Variants in CRTAC1 observed in about 807,000 individuals in gnomAD.
The protein encoded by CRTAC1 is acidic secreted protein in cartilage.
CRTAC1 carries 37 observed loss-of-function variants against 67.8 expected under a neutral mutation model. The ratio of observed to expected loss-of-function variants is 0.55; its 90% CI spans 0.42 to 0.72. The LOEUF (loss-of-function observed/expected upper bound fraction) is 0.72. Ranked by LOEUF, CRTAC1 falls within the 30% of genes least tolerant of loss-of-function variation. The pLI is 0.00. For missense variants in CRTAC1, 780 were observed against 931.6 expected (o/e 0.84, Z 2.12); for synonymous variants, 348 against 371.0 (o/e 0.94, Z 0.71).
chr10:97,884,297 C>T lies in CRTAC1; in HGVS notation c.1541G>A (p.Ser514Asn). 1 of 1,554,540 alleles carries T rather than the reference C, an allele frequency of 6.4e-7. No homozygotes were observed. The highest frequency in any genetic ancestry group is 8.7e-7 in the Non-Finnish European group (1 of 1,148,534). The change falls in exon 12 of 15, where the codon AGC becomes AAC. Residue 514 changes from serine to asparagine, a missense_variant. Physicochemically the swap from Ser to Asn is conservative, Grantham distance 46 (BLOSUM62 1). Coordinates refer to ENST00000370597, the MANE Select transcript of CRTAC1 (RefSeq NM_018058.7). ...EVTWPDGKMV[S>N]RNVASGEMNS... ...CATCTCCCCGCTGGCCACGTTCCGG[C>T]TCACCATCTTGCCATCTGGCCACGT... is the stretch of plus-strand genomic sequence containing the variant.
rs531459931 is a variant in CRTAC1, at chr10:97,979,645, A to G, written c.224+31493T>C. On this transcript the variant is annotated intron_variant, in intron 2 of 14. Coordinates refer to ENST00000370597, the MANE Select transcript of CRTAC1 (RefSeq NM_018058.7). ...AAGTCAGGCTGATTTAATTTTAATC[A>G]GCTGAGGCAGCAGAGCGGTGGTTCT... Among the ~76,000 whole-genome samples, 20 of 152,292 alleles carry G rather than the reference A, an allele frequency of 1.3e-4. No individual in the cohort carries two copies. In the East Asian group the frequency reaches 3.7e-3, roughly 28 times the overall value.
chr10:97,892,029 A>G (rs987078118), intron 11 of CRTAC1, among the ~76,000 whole-genome samples: 2 of 152,168 alleles, frequency 1.3e-5, no homozygotes, highest in African/African-American at 4.8e-5. Context: ...CCAAGAACAA[A>G]TCCCAGGGCC....
At chr10:98,016,602 G>A (rs952316906) in intron 1 of CRTAC1, among the ~76,000 whole-genome samples, 3 of 152,070 alleles carry the variant, frequency 2.0e-5, no homozygotes, top group Non-Finnish European at 4.4e-5. Context: ...GAACCACCTC[G>A]GGTGGAGGTG....
intron 1 of CRTAC1, among the ~76,000 whole-genome samples, chr10:98,016,480 A>G (rs1181093935): frequency 6.6e-6 from 1 of 152,206 alleles, no homozygotes. Context: ...TGTTGAAAAT[A>G]CAGATTCGGA....
At chr10:97,872,554 A>G (rs2050105251) in intron 14 of CRTAC1, among the ~76,000 whole-genome samples, 1 of 152,194 alleles carries the variant, frequency 6.6e-6, no homozygotes, top group African/African-American at 2.4e-5. Flanking sequence ...CTGGTGCTGA[A>G]TTCTTTACCT....
intron 2 of CRTAC1, among the ~76,000 whole-genome samples, chr10:97,981,313 T>C (rs1475759883): frequency 6.6e-6 from 1 of 152,246 alleles, no homozygotes; most frequent in African/African-American, 2.4e-5. Context: ...GGATAGCGTT[T>C]AATACTTCAG....
chr10:97,915,625 C>T (rs1445961954), intron 5 of CRTAC1, among the ~76,000 whole-genome samples: 1 of 143,678 alleles, frequency 7.0e-6, no homozygotes, highest in Non-Finnish European at 1.5e-5. Context: ...TCCTGGGGCT[C>T]GGGGGTGGGG....
intron 2 of CRTAC1, among the ~76,000 whole-genome samples, chr10:97,995,395 A>T (rs1425690652): frequency 6.6e-6 from 1 of 152,228 alleles, no homozygotes; most frequent in Non-Finnish European, 1.5e-5. Context: ...GAGTTCGAGC[A>T]TCTCTGAAAA....
At chr10:97,980,367 A>T (rs1206598197) in intron 2 of CRTAC1, among the ~76,000 whole-genome samples, 1 of 152,216 alleles carries the variant, frequency 6.6e-6, no homozygotes, top group Non-Finnish European at 1.5e-5. Flanking sequence ...GACATGGTCC[A>T]TTTAAATCAG....
chr10:97,890,090 T>TACACACACACACACACAC (rs56001448), intron 11 of CRTAC1, among the ~76,000 whole-genome samples: 3 of 150,374 alleles, frequency 2.0e-5, no homozygotes, highest in African/African-American at 7.3e-5. Context: ...CCAGGATGTG[T>TACACACACACACACACAC]ACACACACAC....
intron 2 of CRTAC1, among the ~76,000 whole-genome samples, chr10:97,969,000 T>C (rs768971166): frequency 6.6e-6 from 1 of 152,198 alleles, no homozygotes; most frequent in Admixed American, 6.5e-5. Flanking sequence ...CTGCTGGTGG[T>C]CTTAATACCA....
intron 5 of CRTAC1, 36 bp downstream of exon 5, chr10:97,917,464 C>A: frequency 6.9e-7 from 1 of 1,443,290 alleles, no homozygotes; most frequent in Non-Finnish European, 9.2e-7. Flanking sequence ...AGCCCCAGCC[C>A]CTCCAGCATA....
chr10:97,984,835 C>G (rs2051954105), intron 2 of CRTAC1, among the ~76,000 whole-genome samples: 1 of 152,192 alleles, frequency 6.6e-6, no homozygotes, highest in East Asian at 1.9e-4. Context: ...TATGGGGGAG[C>G]TCACTAGTTC....
At chr10:98,018,231 A>AAGAGAG (rs751415654) in intron 1 of CRTAC1, among the ~76,000 whole-genome samples, 4 of 142,164 alleles carry the variant, frequency 2.8e-5, no homozygotes, top group African/African-American at 1.1e-4. Flanking sequence ...AAAAAAAAAA[A>AAGAGAG]AGAGAGAGAG....
intron 2 of CRTAC1, among the ~76,000 whole-genome samples, chr10:97,940,815 G>A (rs990072910): frequency 6.6e-5 from 10 of 152,126 alleles, no homozygotes; most frequent in African/African-American, 2.4e-4. Flanking sequence ...GACAACACTT[G>A]GTAAACTGTG....
intron 2 of CRTAC1, among the ~76,000 whole-genome samples, chr10:97,948,749 C>T (rs927214767): frequency 4.6e-5 from 7 of 152,210 alleles, no homozygotes; most frequent in Admixed American, 2.6e-4. Context: ...AAGAACTGCC[C>T]GAGACTGGGT....
chr10:97,935,928 G>A (rs944298734), intron 3 of CRTAC1, among the ~76,000 whole-genome samples: 3 of 152,094 alleles, frequency 2.0e-5, no homozygotes, highest in Non-Finnish European at 2.9e-5. Flanking sequence ...GGAGAGACTC[G>A]GTCTCTGCTC....
intron 2 of CRTAC1, among the ~76,000 whole-genome samples, chr10:97,987,519 A>G (rs147237458): frequency 7.2e-5 from 11 of 152,358 alleles, no homozygotes; most frequent in South Asian, 2.1e-4. Flanking sequence ...AGGGGATTCC[A>G]GGGCAACCAA....
In CRTAC1 at chr10:97,964,898, GCATTTCATTCTACT is replaced by G. The variant is rs200039261; in HGVS notation, c.225-28546_225-28533del. 0.013 allele frequency among the ~76,000 whole-genome samples: 2,009 copies of G among 152,212 alleles called. 76 individuals carry two copies. The East Asian group carries it at 0.13, about 10-fold the overall frequency. On this transcript the variant is annotated intron_variant, in intron 2 of 14. Coordinates refer to ENST00000370597, the MANE Select transcript of CRTAC1 (RefSeq NM_018058.7). ...CTAATCTGGTGTCCCGAGAAGGAGGGCATTTCATTCTACTCATTTCATTCTACTTGGCATGACAC... is the reference window on the plus strand; with the variant it reads ...CTAATCTGGTGTCCCGAGAAGGAGGGCATTTCATTCTACTTGGCATGACAC...
Sources: allele counts gnomAD v4.1 joint callset (sites outside exome capture counted in the v4.1 genomes callset), GRCh38; gene constraint gnomAD v4.1.1; transcripts MANE v1.5; gene names NCBI Gene and HGNC (gene_info 2026-07-23, HGNC 2026-07-21).